The following THOC1 variants were observed in gnomAD, a reference collection of about 807,000 sequenced individuals.
The protein encoded by THOC1 is THO complex 1.
In THOC1, 29 loss-of-function variants were observed where a neutral mutation model predicts 97.3. The observed-to-expected ratio is 0.30, with a 90% CI of 0.22 to 0.41. The LOEUF (loss-of-function observed/expected upper bound fraction) is 0.41. THOC1 is among the 10% of genes least tolerant of loss of function. The pLI, the probability that THOC1 is intolerant of heterozygous loss-of-function variation, is 1.00. For missense variants in THOC1, 529 were observed against 761.9 expected (o/e 0.69, Z 3.60); for synonymous variants, 255 against 257.0 (o/e 0.99, Z 0.07).
At chr18:215,581 G>A in intron 19 of THOC1, 77 bp from the exon 20 acceptor site, 1 of 1,204,656 alleles carries the variant, frequency 8.3e-7, no homozygotes, top group South Asian at 1.3e-5. Flanking sequence ...TTTGGATAAG[G>A]ACGGTTGTGA....
In THOC1 at chr18:247,919, C is replaced by T; in HGVS notation, c.716G>A (p.Trp239Ter). 1 of 1,606,918 alleles carries T rather than the reference C, an allele frequency of 6.2e-7. No individual in the cohort carries two copies. The highest frequency in any genetic ancestry group is 8.5e-7 in the Non-Finnish European group (1 of 1,177,968). Residue 239 changes from tryptophan (W) to a stop codon, truncating the protein, a stop_gained, in exon 10 of 21, where the codon TGG (tryptophan) becomes TAG (stop). Coordinates refer to ENST00000261600, the MANE Select transcript of THOC1 (RefSeq NM_005131.3). LOFTEE classifies it high-confidence loss of function. The part of the protein sequence containing the change: ...PIDYNLYRKF[W>*]SLQDYFRNPV... ...GTTCCTGAAGTAATCCTGAAGTGAC[C>T]AGAATTTTCGATACAGGTTGTAATC...
chr18:257,129 T>C (rs1912461959), intron 7 of THOC1, among the ~76,000 whole-genome samples: 1 of 152,216 alleles, frequency 6.6e-6, no homozygotes, highest in South Asian at 2.1e-4. Flanking sequence ...AAAATGTTGG[T>C]TGAATGAATA....
chr18:241,149 G>A (rs1911885662), intron 11 of THOC1, among the ~76,000 whole-genome samples: 1 of 151,970 alleles, frequency 6.6e-6, no homozygotes, highest in African/African-American at 2.4e-5. Context: ...CTCCCATGCC[G>A]AGAACAACTA....
At chr18:232,842 A>C (rs1417261469) in intron 11 of THOC1, among the ~76,000 whole-genome samples, 4 of 152,120 alleles carry the variant, frequency 2.6e-5, no homozygotes, top group Non-Finnish European at 4.4e-5. Flanking sequence ...AACTTTTATA[A>C]GCTCATTCAC....
rs747797229 is a variant in THOC1, at chr18:215,510, A to T, written c.1603-6T>A. The T allele has an allele frequency of 1.6e-5, 26 of 1,608,704 alleles. No individual in the cohort carries two copies. In the Admixed American group the frequency reaches 2.7e-4, roughly 17 times the overall value. The stretch of plus-strand genomic sequence containing the variant: ...TTTATTTCTTCAGAAGGAGGCTAAA[A>T]ATGAGAAAGAAGAATGTTTGAAAGA... On this transcript the variant is annotated splice_polypyrimidine_tract_variant and splice_region_variant and intron_variant, in intron 19 of 20. Transcript: ENST00000261600.
At position 254,471 on chromosome 18, in the gene THOC1, TAAC is replaced by T. The variant is rs906219004; in HGVS notation, c.521-119_521-117del. ...CAAATCCATAAAGAGCAGTCAAAAT[TAAC>T]ACATTTGATTTTCAAATCCTTTCAA... is the stretch of plus-strand genomic sequence containing the variant. On this transcript the variant is annotated intron_variant, in intron 7 of 20. Coordinates refer to ENST00000261600, the MANE Select transcript of THOC1 (RefSeq NM_005131.3). This position sits in a 1 kb window ranked among gnomAD's most constrained non-coding sequence, Gnocchi z 4.1. 1 of 661,950 alleles carries T rather than the reference TAAC, an allele frequency of 1.5e-6. No homozygotes were observed. The highest frequency in any genetic ancestry group is 1.8e-5 in the African/African-American group (1 of 54,952). 41.0% of individuals were successfully genotyped at this position (661,950 alleles called of 1,614,324 possible). A position where few individuals can be genotyped will look rare whatever the true frequency, so the allele number is the denominator to read the frequency against.
chr18:215,523 A>C lies in THOC1; in HGVS notation c.1603-19T>G. On this transcript the variant is annotated intron_variant, in intron 19 of 20. Transcript: ENST00000261600. ...AAGGAGGCTAAAAATGAGAAAGAAG[A>C]ATGTTTGAAAGAATGCCAGCCTCTG... 6.3e-7 allele frequency: 1 copy of C among 1,597,304 alleles called. No homozygotes were observed. Among genetic ancestry groups the C allele is most frequent in the Non-Finnish European group, 8.6e-7 (1 of 1,165,320 alleles).
chr18:249,718 T>C (rs1598302522), intron 9 of THOC1, among the ~76,000 whole-genome samples: 1 of 149,284 alleles, frequency 6.7e-6, no homozygotes, highest in African/African-American at 2.5e-5. Flanking sequence ...TTAAAGTAAA[T>C]AGAGAAAAGA....
At chr18:250,215 A>G (rs1241936079) in intron 9 of THOC1, among the ~76,000 whole-genome samples, 2 of 152,206 alleles carry the variant, frequency 1.3e-5, no homozygotes, top group African/African-American at 4.8e-5. Flanking sequence ...ATTTTTAAAA[A>G]TTTAAAGTCC....
At chr18:220,834 CTA>C (rs1439510806) in intron 17 of THOC1, among the ~76,000 whole-genome samples, 1 of 152,046 alleles carries the variant, frequency 6.6e-6, no homozygotes, top group African/African-American at 2.4e-5. Context: ...GTTATCTTCT[CTA>C]TTGTTTGTTG....
intron 7 of THOC1, among the ~76,000 whole-genome samples, chr18:258,517 G>C (rs1912503535): frequency 6.6e-6 from 1 of 152,096 alleles, no homozygotes; most frequent in Admixed American, 6.5e-5. Context: ...GCTAACATAT[G>C]CTATAGGTCT....
At chr18:257,565 G>A (rs1293113638) in intron 7 of THOC1, among the ~76,000 whole-genome samples, 1 of 151,888 alleles carries the variant, frequency 6.6e-6, no homozygotes, top group African/African-American at 2.4e-5. Flanking sequence ...TCCTAGCTCT[G>A]GTCTCTGAGA....
At chr18:241,336 C>T (rs1156975209) in intron 11 of THOC1, among the ~76,000 whole-genome samples, 3 of 152,136 alleles carry the variant, frequency 2.0e-5, no homozygotes, top group African/African-American at 4.8e-5. Flanking sequence ...AAGTACAAAA[C>T]ATTTAAGGCA....
At chr18:229,122 T>A (rs1223471671) in intron 11 of THOC1, among the ~76,000 whole-genome samples, 1 of 152,176 alleles carries the variant, frequency 6.6e-6, no homozygotes, top group Non-Finnish European at 1.5e-5. Context: ...CGGCTAAAGG[T>A]ATTCCATCTG....
intron 7 of THOC1, among the ~76,000 whole-genome samples, chr18:258,689 G>A (rs1387155933): frequency 6.6e-6 from 1 of 152,136 alleles, no homozygotes; most frequent in East Asian, 1.9e-4. Context: ...GGAGGCGGAA[G>A]GCTCTGGAGG....
At chr18:255,318 G>A (rs1363272117) in intron 7 of THOC1, among the ~76,000 whole-genome samples, 1 of 152,210 alleles carries the variant, frequency 6.6e-6, no homozygotes. Flanking sequence ...TTAACAGTTA[G>A]CCAAGTTGTG....
intron 17 of THOC1, 78 bp downstream of exon 17, chr18:223,362 G>T: frequency 1.7e-6 from 2 of 1,196,666 alleles, no homozygotes; most frequent in East Asian, 2.7e-5. Context: ...TTTGAGCTCT[G>T]ATCATAGCTG....
At chr18:265,412 T>A (rs375845736) in intron 2 of THOC1, 45 bp downstream of exon 2, 73 of 1,587,640 alleles carry the variant, frequency 4.6e-5, no homozygotes, top group Non-Finnish European at 5.8e-5. Context: ...TCAGGGTATG[T>A]ATAAAGATTG....
At chr18:258,728 A>G (rs1217695413) in intron 7 of THOC1, among the ~76,000 whole-genome samples, 1 of 152,142 alleles carries the variant, frequency 6.6e-6, no homozygotes, top group African/African-American at 2.4e-5. Context: ...CAGGAGCTAG[A>G]TAGTGGTTAT....
Sources: allele counts gnomAD v4.1 joint callset (sites outside exome capture counted in the v4.1 genomes callset), GRCh38; gene constraint gnomAD v4.1.1; non-coding constraint Gnocchi (gnomAD v3.1); transcripts MANE v1.5; gene names NCBI Gene and HGNC (gene_info 2026-07-23, HGNC 2026-07-21).